The following GRM8 variants were observed in gnomAD, a reference collection of about 807,000 sequenced individuals.
GRM8 encodes glutamate metabotropic receptor 8.
GRM8 carries 47 observed loss-of-function variants against 87.2 expected under a neutral mutation model. That is an observed-to-expected ratio of 0.54 (90% CI 0.43 to 0.69). GRM8 has a LOEUF of 0.69. Among genes scored for constraint, GRM8 ranks in the 30% least tolerant of loss-of-function variants. GRM8 has a pLI of 0.00. For missense variants in GRM8, 1,019 were observed against 1,139.2 expected, an observed-to-expected ratio of 0.89 and a Z score of 1.52; for synonymous variants, 396 against 404.5, an observed-to-expected ratio of 0.98 and a Z score of 0.25.
chr7:126,458,092 A>T (rs1366110584), intron 9 of GRM8, among the ~76,000 whole-genome samples: 1 of 150,930 alleles, frequency 6.6e-6, no homozygotes, highest in African/African-American at 2.4e-5. Context: ...AGTATCTAAA[A>T]CTCCTGAACT....
At chr7:126,527,166 C>A (rs1394882101) in intron 9 of GRM8, among the ~76,000 whole-genome samples, 2 of 152,140 alleles carry the variant, frequency 1.3e-5, no homozygotes, top group Non-Finnish European at 2.9e-5. Flanking sequence ...TGAGACCAGC[C>A]TGGCCAATAT....
chr7:126,477,909 T>C (rs1297841669), intron 9 of GRM8, among the ~76,000 whole-genome samples: 1 of 152,110 alleles, frequency 6.6e-6, no homozygotes, highest in African/African-American at 2.4e-5. Flanking sequence ...AATCAAGGTG[T>C]TGGCCATGCA....
intron 3 of GRM8, among the ~76,000 whole-genome samples, chr7:126,930,960 AGCAGGCTCACT>A (rs1447014204): frequency 6.6e-6 from 1 of 152,126 alleles, no homozygotes; most frequent in Non-Finnish European, 1.5e-5. Context: ...ACCTCTCTCC[AGCAGGCTCACT>A]GCTTGGTGCA....
rs183702134 is a variant in GRM8, at chr7:127,165,279, G to C, written c.511-58567C>G. The stretch of plus-strand genomic sequence containing the variant: ...ATATGATTTTTGGTACAGTGGACTG[G>C]GATGCCCTTTCTAAAAGGGTGACAT... On this transcript the variant is annotated intron_variant, in intron 2 of 10. Transcript: ENST00000339582. Among the ~76,000 whole-genome samples the C allele has an allele frequency of 1.5e-3, 225 of 148,940 alleles. 1 individual carries two copies. Among genetic ancestry groups the C allele is most frequent in the Admixed American group, 6.0e-3 (88 of 14,780 alleles).
intron 8 of GRM8, among the ~76,000 whole-genome samples, chr7:126,544,394 A>C (rs1816888332): frequency 6.6e-6 from 1 of 152,178 alleles, no homozygotes; most frequent in Non-Finnish European, 1.5e-5. Context: ...TGGTCTCTAG[A>C]TTATGTCATC....
intron 6 of GRM8, among the ~76,000 whole-genome samples, chr7:126,811,917 T>C (rs1793334434): frequency 6.6e-6 from 1 of 151,922 alleles, no homozygotes. Context: ...GTGGTGAAAG[T>C]GGGCATATTT....
intron 7 of GRM8, among the ~76,000 whole-genome samples, chr7:126,745,392 A>ATATATTATATTATAT (rs71312851): frequency 0.019 from 2,767 of 146,228 alleles, 38 homozygotes; most frequent in Non-Finnish European, 0.027. Context: ...AGACATAGTC[A>ATATATTATATTATAT]TATATTATAT....
intron 9 of GRM8, among the ~76,000 whole-genome samples, chr7:126,459,118 TATG>T (rs1280694535): frequency 1.3e-5 from 2 of 151,296 alleles, no homozygotes; most frequent in Admixed American, 6.6e-5. Flanking sequence ...TATTTGGTAA[TATG>T]ATAAGTCCAC....
intron 2 of GRM8, among the ~76,000 whole-genome samples, chr7:127,126,418 G>A (rs139744436): frequency 1.2e-4 from 18 of 152,040 alleles, no homozygotes; most frequent in African/African-American, 3.6e-4. Flanking sequence ...ATAAGTGGGA[G>A]TTAAATAATG....
chr7:127,000,112 T>C (rs1813576597), intron 3 of GRM8, among the ~76,000 whole-genome samples: 1 of 151,706 alleles, frequency 6.6e-6, no homozygotes, highest in South Asian at 2.1e-4. Flanking sequence ...AGACTGGAGG[T>C]AATTATGTTA....
At chr7:127,124,750 C>T (rs1396506523) in intron 2 of GRM8, among the ~76,000 whole-genome samples, 2 of 151,924 alleles carry the variant, frequency 1.3e-5, no homozygotes, top group Non-Finnish European at 2.9e-5. Flanking sequence ...GCGCTTCTGG[C>T]CAAAACGAAA....
At position 126,901,814 on chromosome 7, in the gene GRM8, A is replaced by G. The variant is rs80007656; in HGVS notation, c.1156+728T>C. On this transcript the variant is annotated intron_variant, in intron 6 of 10. Transcript: ENST00000339582. ...TGTTTTTGATCCTACTATAAGCAGTATTCTTTAAATTTCATTTTCTATGTG... is the reference window on the plus strand; with the variant it reads ...TGTTTTTGATCCTACTATAAGCAGTGTTCTTTAAATTTCATTTTCTATGTG... Among the ~76,000 whole-genome samples the G allele has an allele frequency of 2.0e-3, 311 of 152,312 alleles. 1 individual carries two copies. Among genetic ancestry groups the G allele is most frequent in the Non-Finnish European group, 3.6e-3 (245 of 68,022 alleles).
intron 6 of GRM8, among the ~76,000 whole-genome samples, chr7:126,850,257 C>T (rs568170625): frequency 1.1e-4 from 17 of 152,306 alleles, no homozygotes; most frequent in African/African-American, 4.1e-4. Context: ...GAACAGCATA[C>T]ATTCCTGGTT....
intron 7 of GRM8, among the ~76,000 whole-genome samples, chr7:126,667,358 G>A (rs1247830547): frequency 6.6e-6 from 1 of 152,186 alleles, no homozygotes; most frequent in African/African-American, 2.4e-5. Flanking sequence ...TAATTGGGGT[G>A]TCACTGTAGA....
intron 7 of GRM8, among the ~76,000 whole-genome samples, chr7:126,672,996 C>T (rs1238388861): frequency 6.6e-6 from 1 of 152,250 alleles, no homozygotes; most frequent in South Asian, 2.1e-4. Flanking sequence ...ATGTATTTCT[C>T]TAGAAGGTGG....
At position 127,046,232 on chromosome 7, in the gene GRM8, C is replaced by CGTGGTGGT. The variant is rs549987850; in HGVS notation, c.727+60256_727+60263dup. 1.0e-3 allele frequency among the ~76,000 whole-genome samples: 152 copies of CGTGGTGGT among 152,040 alleles called. 1 individual carries two copies. The highest frequency in any genetic ancestry group is 3.5e-3 in the African/African-American group (147 of 41,472). On this transcript the variant is annotated intron_variant, in intron 3 of 10. Coordinates refer to ENST00000339582, the MANE Select transcript of GRM8 (RefSeq NM_000845.3). ...TAAAAATACAAAAAAATTAGCCAGG[C>CGTGGTGGT]GTGGTGGTGGGCGCCTGTAGTCCCA...
chr7:126,550,952 T>C (rs1195768556), intron 8 of GRM8, among the ~76,000 whole-genome samples: 1 of 151,344 alleles, frequency 6.6e-6, no homozygotes, highest in Non-Finnish European at 1.5e-5. Flanking sequence ...AAAACTCAAA[T>C]ACACAGCCTG....
chr7:127,198,987 A>C (rs1372198901), intron 2 of GRM8, among the ~76,000 whole-genome samples: 1 of 151,970 alleles, frequency 6.6e-6, no homozygotes, highest in African/African-American at 2.4e-5. Context: ...GATTACATGC[A>C]TATGCCACCA....
intron 3 of GRM8, among the ~76,000 whole-genome samples, chr7:127,048,155 C>T (rs1192666912): frequency 1.3e-5 from 2 of 152,034 alleles, no homozygotes; most frequent in Admixed American, 1.3e-4. Flanking sequence ...AAATGGTAAG[C>T]GGGAAGGGGA....
Sources: gnomAD v4.1 joint callset for allele counts (sites outside exome capture counted in the v4.1 genomes callset) on GRCh38, gnomAD v4.1.1 for gene constraint, MANE v1.5 for transcripts, NCBI Gene and HGNC (gene_info 2026-07-23, HGNC 2026-07-21) for gene names.